The following NXPE2 variants were observed in gnomAD, a reference collection of about 807,000 sequenced individuals.
The protein encoded by NXPE2 is neurexophilin and PC-esterase domain family member 2, also known as NXPE family member 2.
A neutral mutation model predicts 34.4 loss-of-function variants in NXPE2; 34 were observed. The ratio of observed to expected loss-of-function variants is 0.99; its 90% CI spans 0.75 to 1.31. NXPE2 has a LOEUF of 1.31. Ranked by LOEUF, NXPE2 falls within the 40% of genes most tolerant of loss-of-function variation. The pLI is 0.00. For missense variants in NXPE2, 649 were observed against 672.5 expected (o/e 0.97, Z 0.39); for synonymous variants, 235 against 231.3 (o/e 1.02, Z -0.15).
the NXPE2 span, among the ~76,000 whole-genome samples, chr11:114,714,232 T>C: frequency 6.7e-6 from 1 of 150,144 alleles, no homozygotes; most frequent in African/African-American, 2.5e-5. Flanking sequence ...CAATGACAAA[T>C]GATAACTTGG....
the NXPE2 span, among the ~76,000 whole-genome samples, chr11:114,581,125 G>A: frequency 6.6e-6 from 1 of 152,190 alleles, no homozygotes; most frequent in South Asian, 2.1e-4. Flanking sequence ...TTTATGATTA[G>A]CAAGGTTTTA....
At chr11:114,587,974 G>A in the NXPE2 span, among the ~76,000 whole-genome samples, 8 of 152,102 alleles carry the variant, frequency 5.3e-5, no homozygotes, top group Non-Finnish European at 8.8e-5. Context: ...TCTGTAGATG[G>A]GACAGCAAAT....
At chr11:114,670,530 A>G in the NXPE2 span, among the ~76,000 whole-genome samples, 7 of 151,968 alleles carry the variant, frequency 4.6e-5, no homozygotes, top group East Asian at 1.4e-3. Flanking sequence ...CATCTCTACA[A>G]AAAATTAAAG....
At chr11:114,631,074 T>G in the NXPE2 span, among the ~76,000 whole-genome samples, 8 of 151,944 alleles carry the variant, frequency 5.3e-5, no homozygotes, top group African/African-American at 1.9e-4. Flanking sequence ...ACACTGTTGG[T>G]GGGACTGTAA....
At chr11:114,590,392 C>G in the NXPE2 span, among the ~76,000 whole-genome samples, 1 of 152,150 alleles carries the variant, frequency 6.6e-6, no homozygotes, top group African/African-American at 2.4e-5. Flanking sequence ...CCTTCCCCCT[C>G]CCTAAAATCC....
At chr11:114,577,772 A>G in the NXPE2 span, among the ~76,000 whole-genome samples, 1 of 152,162 alleles carries the variant, frequency 6.6e-6, no homozygotes, top group Admixed American at 6.5e-5. Flanking sequence ...TGGTCTTTAC[A>G]TAAAAAACAA....
At chr11:114,745,765 A>G in the NXPE2 span, among the ~76,000 whole-genome samples, 2 of 152,170 alleles carry the variant, frequency 1.3e-5, no homozygotes, top group African/African-American at 4.8e-5. Flanking sequence ...AAAGTATACT[A>G]GAGTAGAAGA....
the NXPE2 span, among the ~76,000 whole-genome samples, chr11:114,574,663 G>C: frequency 6.6e-6 from 1 of 152,048 alleles, no homozygotes; most frequent in Admixed American, 6.6e-5. Flanking sequence ...TAGAATCTCT[G>C]AACAGACCAG....
At chr11:114,504,822 C>T in the NXPE2 span, among the ~76,000 whole-genome samples, 3 of 152,148 alleles carry the variant, frequency 2.0e-5, no homozygotes, top group Non-Finnish European at 4.4e-5. Context: ...GCTCGAGTGC[C>T]TTCTTTCCTC....
the NXPE2 span, among the ~76,000 whole-genome samples, chr11:114,746,348 A>C: frequency 6.6e-6 from 1 of 152,222 alleles, no homozygotes; most frequent in Non-Finnish European, 1.5e-5. Flanking sequence ...ATATACACTG[A>C]AGACAAAACA....
chr11:114,788,282 GAGAGGACC>G, the NXPE2 span, among the ~76,000 whole-genome samples: 1 of 152,336 alleles, frequency 6.6e-6, no homozygotes, highest in South Asian at 2.1e-4. Flanking sequence ...GAGGGTAGAG[GAGAGGACC>G]AGCCATGTGG....
chr11:114,685,088 A>G (rs1027935964), intron 2 of NXPE2, among the ~76,000 whole-genome samples: 2 of 152,232 alleles, frequency 1.3e-5, no homozygotes, highest in Admixed American at 6.5e-5. Flanking sequence ...AGTTGGTCAG[A>G]TATATCATGG....
the NXPE2 span, among the ~76,000 whole-genome samples, chr11:114,641,869 G>A: frequency 1.3e-5 from 2 of 152,014 alleles, no homozygotes; most frequent in Non-Finnish European, 1.5e-5. Flanking sequence ...GAATAAAACA[G>A]GATACACATC....
chr11:114,676,516 C>A (rs1186336399), upstream of NXPE2, among the ~76,000 whole-genome samples: 2 of 151,832 alleles, frequency 1.3e-5, no homozygotes, highest in Non-Finnish European at 2.9e-5. Flanking sequence ...AAATGTCAAG[C>A]CTCACTAATC....
the NXPE2 span, among the ~76,000 whole-genome samples, chr11:114,562,999 A>G: frequency 6.6e-6 from 1 of 152,170 alleles, no homozygotes; most frequent in Non-Finnish European, 1.5e-5. Flanking sequence ...CAACAACTCT[A>G]ATCAACTGTG....
the NXPE2 span, among the ~76,000 whole-genome samples, chr11:114,484,175 T>A: frequency 2.0e-5 from 3 of 152,058 alleles, no homozygotes; most frequent in Non-Finnish European, 2.9e-5. Context: ...CCCTCCCCTA[T>A]CCCTTTGTAT....
the NXPE2 span, among the ~76,000 whole-genome samples, chr11:114,556,569 T>C: frequency 6.6e-6 from 1 of 151,992 alleles, no homozygotes; most frequent in South Asian, 2.1e-4. Flanking sequence ...CTGAGGTATA[T>C]TGTCAGGATA....
the NXPE2 span, among the ~76,000 whole-genome samples, chr11:114,564,598 G>C: frequency 2.6e-3 from 391 of 152,146 alleles, 2 homozygotes; most frequent in African/African-American, 9.0e-3. Flanking sequence ...GCACAGAGAG[G>C]GGGTGGTTGA....
At chr11:114,508,494 A>C in the NXPE2 span, among the ~76,000 whole-genome samples, 1 of 152,232 alleles carries the variant, frequency 6.6e-6, no homozygotes. Context: ...TGCAAACTAT[A>C]CTACAGGGCT....
Sources: allele counts gnomAD v4.1 joint callset (sites outside exome capture counted in the v4.1 genomes callset), GRCh38; gene constraint gnomAD v4.1.1; transcripts MANE v1.5; gene names NCBI Gene and HGNC (gene_info 2026-07-23, HGNC 2026-07-21).